MOB2: variants seen among roughly 807,000 people sequenced by gnomAD.
MOB2 encodes MOB2 Mps One Binder homolog.
MOB2 carries 14 observed loss-of-function variants against 27.4 expected under a neutral mutation model. The observed-to-expected ratio is 0.51, with a 90% CI of 0.34 to 0.80. MOB2 has a LOEUF of 0.80. MOB2 is among the 30% of genes least tolerant of loss of function. The probability of loss-of-function intolerance (pLI) is 0.01; values close to 1 mark genes in which losing one functional copy is unlikely to be tolerated. For synonymous variants in MOB2, 167 were observed against 151.8 expected (o/e 1.10, Z -0.74); for missense variants, 304 against 354.6 (o/e 0.86, Z 1.15).
intron 4 of MOB2, among the ~76,000 whole-genome samples, chr11:1,471,069 G>A (rs1053244904): frequency 3.3e-5 from 5 of 152,242 alleles, no homozygotes; most frequent in African/African-American, 9.6e-5. Flanking sequence ...GGCCCAGAGG[G>A]CCAGGGAGAT....
intron 1 of MOB2, among the ~76,000 whole-genome samples, chr11:1,485,020 C>T (rs972463943): frequency 6.6e-5 from 10 of 152,360 alleles, no homozygotes; most frequent in Admixed American, 5.9e-4. Flanking sequence ...CGCCCGCAGA[C>T]ATCCCAGACC....
chr11:1,470,244 G>A lies in MOB2; in HGVS notation c.735C>T (p.Val245=), dbSNP rs370165652. ...CCCCATCCCCACTGCCCCCACTGTG[G>A]ACCCCGCCGGCCCCGCTGCATAGCA... is the stretch of plus-strand genomic sequence containing the variant. The part of the protein sequence containing the change: ...TEVLCSGAGG[V]HSGGSGDGAG... Residue 245 remains valine (V), a synonymous_variant, in exon 5 of 5, where the codon GTC becomes GTT. Coordinates refer to ENST00000329957, the MANE Select transcript of MOB2 (RefSeq NM_001172223.3). 4 of 1,612,420 alleles carry A rather than the reference G, an allele frequency of 2.5e-6. No individual in the cohort carries two copies. The highest frequency in any genetic ancestry group is 3.4e-6 in the Non-Finnish European group (4 of 1,179,850).
intron 1 of MOB2, chr11:1,481,143 G>A (rs1847908908): frequency 4.9e-6 from 3 of 617,424 alleles, no homozygotes; most frequent in Non-Finnish European, 9.0e-6. Context: ...ACGGGCCCCT[G>A]CACGGAGGGC....
At chr11:1,480,616 C>T (rs965602825) in intron 2 of MOB2, 109 bp downstream of exon 2, 2 of 1,528,960 alleles carry the variant, frequency 1.3e-6, no homozygotes, top group Admixed American at 3.6e-5. Context: ...CACATTCTCC[C>T]CTCGCGGCAG....
chr11:1,473,708 T>C (rs536747614), intron 3 of MOB2, among the ~76,000 whole-genome samples: 64 of 152,258 alleles, frequency 4.2e-4, no homozygotes, highest in Non-Finnish European at 9.0e-4. Context: ...ACACCACTGT[T>C]TCCTGTACTT....
At chr11:1,471,481 C>T in intron 3 of MOB2, 62 bp from the exon 4 acceptor site, 1 of 1,556,356 alleles carries the variant, frequency 6.4e-7, no homozygotes, top group South Asian at 1.2e-5. Context: ...GCCACTGGGT[C>T]CCACCCGCTC....
In MOB2 at chr11:1,486,535, G is replaced by T. The variant is rs1440305647; in HGVS notation, c.22C>A (p.Leu8Ile). The T allele has an allele frequency of 1.3e-6, 2 of 1,535,686 alleles. No individual in the cohort carries two copies. The highest frequency in any genetic ancestry group is 2.4e-5 in the South Asian group (2 of 84,042). The change falls in exon 1 of 5, where the codon CTC becomes ATC. Residue 8 changes from leucine to isoleucine, a missense_variant. Leu to Ile is a conservative substitution (Grantham distance 5). Coordinates refer to ENST00000329957, the MANE Select transcript of MOB2 (RefSeq NM_001172223.3). The stretch of plus-strand genomic sequence containing the variant: ...CCGGGCCGGGCTTGGTCTTCAGGGA[G>T]ACTGCAGTGGTCTCCCAGCATGAGT... MLGDHCS[L>I]PEDQARPGQS... is the part of the protein sequence containing the mutation.
At chr11:1,485,909 C>G (rs1847964918) in intron 1 of MOB2, among the ~76,000 whole-genome samples, 1 of 152,218 alleles carries the variant, frequency 6.6e-6, no homozygotes, top group African/African-American at 2.4e-5. Context: ...CCTATGGCAG[C>G]CAGCACAAAA....
At position 1,480,895 on chromosome 11, in the gene MOB2, G is replaced by A. The variant is rs566692658; in HGVS notation, c.111-10C>T. 94 of 1,551,952 alleles carry A rather than the reference G, an allele frequency of 6.1e-5. No individual in the cohort carries two copies. In the Middle Eastern group the frequency reaches 8.6e-4, roughly 14 times the overall value. ...CTTGGCTTTGGACTTCCTGCCAAGA[G>A]AGGAGACGCGGTGTGGTCACTACAC... On this transcript the variant is annotated splice_polypyrimidine_tract_variant and intron_variant, in intron 1 of 4. Transcript: ENST00000329957.
rs190113290 is a variant in MOB2 at position 1,476,562 on chromosome 11, C to T, written c.365+3831G>A. On this transcript the variant is annotated intron_variant, in intron 3 of 4. Coordinates refer to ENST00000329957, the MANE Select transcript of MOB2 (RefSeq NM_001172223.3). The stretch of plus-strand genomic sequence containing the variant: ...CCAATTTATTACCTTTCAAAGTCAT[C>T]ACATTTTGATTTCACTCATTTCCCC... Among the ~76,000 whole-genome samples, 165 of 152,346 alleles carry T rather than the reference C, an allele frequency of 1.1e-3. 1 individual carries two copies. Among genetic ancestry groups the T allele is most frequent in the African/African-American group, 3.8e-3 (160 of 41,582 alleles).
intron 3 of MOB2, chr11:1,472,987 G>C (rs996370653): frequency 6.5e-6 from 1 of 153,300 alleles, no homozygotes; most frequent in African/African-American, 2.4e-5. Flanking sequence ...AGAAGCTAGA[G>C]GATGACACTG....
At chr11:1,480,646 C>G (rs1185295268) in intron 2 of MOB2, 79 bp downstream of exon 2, 8 of 1,557,018 alleles carry the variant, frequency 5.1e-6, no homozygotes, top group Non-Finnish European at 7.0e-6. Flanking sequence ...GAGCACCAGC[C>G]GTGGGGGTCC....
intron 3 of MOB2, among the ~76,000 whole-genome samples, chr11:1,474,612 C>G (rs866919627): frequency 6.6e-6 from 1 of 152,246 alleles, no homozygotes; most frequent in South Asian, 2.1e-4. Context: ...CTGATGGCCC[C>G]GTTTGTGTGG....
intron 1 of MOB2, 94 bp downstream of exon 1, chr11:1,486,353 G>T: frequency 1.0e-6 from 1 of 962,642 alleles, no homozygotes; most frequent in South Asian, 1.5e-5. Flanking sequence ...GACACAGTCC[G>T]CCGCCTCCCC....
At chr11:1,474,989 A>G (rs1433709299) in intron 3 of MOB2, among the ~76,000 whole-genome samples, 2 of 152,218 alleles carry the variant, frequency 1.3e-5, no homozygotes, top group Non-Finnish European at 2.9e-5. Context: ...TTGGATTGAG[A>G]CTGCACTAAA....
intron 1 of MOB2, chr11:1,481,291 G>A (rs913226311): frequency 3.6e-6 from 1 of 275,512 alleles, no homozygotes; most frequent in Non-Finnish European, 7.4e-6. Flanking sequence ...TTTTGAGTTG[G>A]CCAGCCTGTC....
intron 2 of MOB2, 44 bp from the exon 3 acceptor site, chr11:1,480,530 T>G (rs1320802839): frequency 1.9e-6 from 3 of 1,600,296 alleles, no homozygotes; most frequent in Non-Finnish European, 2.6e-6. Context: ...ACGCCAGAGC[T>G]GAGCCGCCCC....
intron 3 of MOB2, among the ~76,000 whole-genome samples, chr11:1,478,496 C>T (rs1378389931): frequency 6.6e-6 from 1 of 152,236 alleles, no homozygotes; most frequent in African/African-American, 2.4e-5. Context: ...CTTCCTTCTT[C>T]CTTCTGGCCT....
chr11:1,471,607 C>G, intron 3 of MOB2, 188 bp from the exon 4 acceptor site: 2 of 627,806 alleles, frequency 3.2e-6, no homozygotes, highest in Non-Finnish European at 5.3e-6. Context: ...ACACTGCACT[C>G]TATGGAGGGG....
Sources: allele counts gnomAD v4.1 joint callset (sites outside exome capture counted in the v4.1 genomes callset), GRCh38; gene constraint gnomAD v4.1.1; transcripts MANE v1.5; gene names NCBI Gene and HGNC (gene_info 2026-07-23, HGNC 2026-07-21).